RORA: variants seen among roughly 807,000 people sequenced by gnomAD.
RORA encodes RAR related orphan receptor A.
A neutral mutation model predicts 69.5 loss-of-function variants in RORA; 7 were observed. The observed-to-expected ratio is 0.10, with a 90% CI of 0.06 to 0.19. The LOEUF (loss-of-function observed/expected upper bound fraction) is 0.19. RORA is among the 10% of genes least tolerant of loss of function. RORA has a pLI of 1.00. For synonymous variants in RORA, 261 were observed against 240.8 expected (o/e 1.08, Z -0.78); for missense variants, 457 against 663.0 (o/e 0.69, Z 3.41).
intron 1 of RORA, among the ~76,000 whole-genome samples, chr15:60,692,248 C>T (rs2140776133): frequency 6.6e-6 from 1 of 152,232 alleles, no homozygotes; most frequent in Admixed American, 6.5e-5. Context: ...TTAAAGATAG[C>T]TCTGTTTTAT....
At chr15:61,073,524 T>C (rs1295784998) in intron 1 of RORA, among the ~76,000 whole-genome samples, 3 of 152,178 alleles carry the variant, frequency 2.0e-5, no homozygotes, top group African/African-American at 7.2e-5. Flanking sequence ...GTTTTTACTG[T>C]AGGGCTGTGA....
chr15:61,221,403 T>C (rs2080094822), intron 1 of RORA, among the ~76,000 whole-genome samples: 1 of 152,170 alleles, frequency 6.6e-6, no homozygotes, highest in African/African-American at 2.4e-5. Context: ...CCTCTATTCT[T>C]GCCTGTTTAT....
chr15:60,869,215 G>GT (rs2073525244), intron 1 of RORA, among the ~76,000 whole-genome samples: 1 of 152,218 alleles, frequency 6.6e-6, no homozygotes. Context: ...TGACCTTTGT[G>GT]TAAGGAGTTG....
chr15:60,847,335 C>T (rs1202955258), intron 1 of RORA, among the ~76,000 whole-genome samples: 1 of 151,948 alleles, frequency 6.6e-6, no homozygotes, highest in Non-Finnish European at 1.5e-5. Context: ...AGAGTCTAAT[C>T]AGAGTCTGTG....
At chr15:60,514,003 T>C (rs1335198142) in intron 4 of RORA, among the ~76,000 whole-genome samples, 1 of 152,236 alleles carries the variant, frequency 6.6e-6, no homozygotes, top group African/African-American at 2.4e-5. Flanking sequence ...TTAAGATAGT[T>C]TTCCAGGAAG....
intron 1 of RORA, among the ~76,000 whole-genome samples, chr15:60,864,657 A>T (rs1167039771): frequency 6.6e-6 from 1 of 152,244 alleles, no homozygotes; most frequent in Non-Finnish European, 1.5e-5. Flanking sequence ...ATGGGTAAGT[A>T]ACTCAGGAAC....
chr15:60,710,172 G>C (rs893813440), intron 1 of RORA, among the ~76,000 whole-genome samples: 1 of 152,148 alleles, frequency 6.6e-6, no homozygotes, highest in African/African-American at 2.4e-5. Flanking sequence ...CTTAGACTTG[G>C]GAAGACAGGT....
At chr15:60,853,335 C>T (rs1486078968) in intron 1 of RORA, among the ~76,000 whole-genome samples, 1 of 152,130 alleles carries the variant, frequency 6.6e-6, no homozygotes, top group Non-Finnish European at 1.5e-5. Flanking sequence ...GACTGTTGCT[C>T]TGACACCAAA....
At chr15:60,734,860 C>T (rs1052520959) in intron 1 of RORA, among the ~76,000 whole-genome samples, 1 of 152,198 alleles carries the variant, frequency 6.6e-6, no homozygotes, top group Non-Finnish European at 1.5e-5. Flanking sequence ...AAACTGTTTT[C>T]CTGCATTTCT....
At chr15:61,010,281 A>T (rs767404569) in intron 1 of RORA, among the ~76,000 whole-genome samples, 1 of 152,182 alleles carries the variant, frequency 6.6e-6, no homozygotes, top group Admixed American at 6.5e-5. Context: ...CTTGAATCTA[A>T]TACTATCATA....
At chr15:61,225,834 G>GT (rs933503367) in intron 1 of RORA, among the ~76,000 whole-genome samples, 198 of 152,086 alleles carry the variant, frequency 1.3e-3, no homozygotes, top group African/African-American at 4.4e-3. Context: ...ATTCGCTGTG[G>GT]TTTTTTTTCC....
intron 1 of RORA, among the ~76,000 whole-genome samples, chr15:61,220,958 T>TA (rs1322844546): frequency 2.0e-5 from 3 of 152,220 alleles, no homozygotes; most frequent in Non-Finnish European, 4.4e-5. Context: ...CAGGCATTGT[T>TA]AATCTCTGCA....
intron 2 of RORA, chr15:60,630,311 C>T (rs2140650167): frequency 6.6e-6 from 1 of 152,296 alleles, no homozygotes; most frequent in African/African-American, 2.4e-5. Context: ...GGAAAAGCCT[C>T]GGAAAGCATA....
At chr15:60,815,725 G>A (rs2128167) in intron 1 of RORA, among the ~76,000 whole-genome samples, 27 of 136,032 alleles carry the variant, frequency 2.0e-4, no homozygotes, top group East Asian at 7.2e-4. Context: ...AACACCCCCC[G>A]AGGTGTGCAG....
chr15:60,911,859 G>GTTTTT (rs35017718), intron 1 of RORA, among the ~76,000 whole-genome samples: 9 of 144,256 alleles, frequency 6.2e-5, no homozygotes, highest in African/African-American at 1.8e-4. Flanking sequence ...ACCTGGCTAA[G>GTTTTT]TTTTTTTTTT....
chr15:61,120,490 G>C (rs2079092370), intron 1 of RORA, among the ~76,000 whole-genome samples: 1 of 151,984 alleles, frequency 6.6e-6, no homozygotes. Context: ...ACAACTTCAG[G>C]AGATCGAGAC....
At chr15:61,207,970 CA>C (rs2079956916) in intron 1 of RORA, among the ~76,000 whole-genome samples, 1 of 152,190 alleles carries the variant, frequency 6.6e-6, no homozygotes, top group South Asian at 2.1e-4. Context: ...ATCACATTTT[CA>C]ATGACCCAGC....
intron 1 of RORA, among the ~76,000 whole-genome samples, chr15:60,727,219 T>A (rs1342975914): frequency 6.6e-6 from 1 of 152,222 alleles, no homozygotes; most frequent in Non-Finnish European, 1.5e-5. Context: ...CAAGAATAGC[T>A]CAAAAGTCAA....
intron 2 of RORA, among the ~76,000 whole-genome samples, chr15:60,612,983 A>ATT (rs1300842839): frequency 1.4e-5 from 2 of 142,822 alleles, no homozygotes; most frequent in Non-Finnish European, 3.1e-5. Context: ...AGGAAACTGT[A>ATT]TTTTTTTTTT....
Sources: gnomAD v4.1 joint callset for allele counts (sites outside exome capture counted in the v4.1 genomes callset) on GRCh38, gnomAD v4.1.1 for gene constraint, MANE v1.5 for transcripts, NCBI Gene and HGNC (gene_info 2026-07-23, HGNC 2026-07-21) for gene names.